The following MYPN variants were observed in gnomAD, a reference collection of about 807,000 sequenced individuals.
The protein encoded by MYPN is sarcomeric protein myopalladin, 145 kDa (MYOP).
MYPN carries 63 observed loss-of-function variants against 129.4 expected under a neutral mutation model. The ratio of observed to expected loss-of-function variants is 0.49; its 90% CI spans 0.40 to 0.60. The LOEUF is 0.60. Ranked by LOEUF, MYPN falls within the 20% of genes least tolerant of loss-of-function variation. The pLI is 0.00. For missense variants in MYPN, 1,596 were observed against 1,635.4 expected (o/e 0.98, Z 0.42); for synonymous variants, 629 against 600.9 (o/e 1.05, Z -0.68).
At chr10:68,182,803 C>T (rs972372495) in intron 12 of MYPN, among the ~76,000 whole-genome samples, 7 of 152,004 alleles carry the variant, frequency 4.6e-5, no homozygotes, top group African/African-American at 9.7e-5. Context: ...CCACCACGCC[C>T]GGTCTCTAAT....
chr10:68,188,537 TC>T, intron 12 of MYPN, among the ~76,000 whole-genome samples: 2 of 152,174 alleles, frequency 1.3e-5, no homozygotes, highest in East Asian at 3.9e-4. Flanking sequence ...CAGGCATGTA[TC>T]AGAATGCAGT....
In MYPN at chr10:68,148,413, A is replaced by G; in HGVS notation, c.1191A>G (p.Ala397=). The G allele has an allele frequency of 6.2e-7, 1 of 1,614,194 alleles. No individual in the cohort carries two copies. Among genetic ancestry groups the G allele is most frequent in the African/African-American group, 1.3e-5 (1 of 75,070 alleles). ...CTACCTCTGCAGTCATTCCTCCAGC[A>G]GTACCCCAAGCCCAGCATTTGGTGG... ...PPTTSAVIPP[A]VPQAQHLVAQ... is the part of the protein sequence containing the mutation. The change falls in exon 5 of 20, where the codon GCA becomes GCG. Residue 397 remains alanine (A), a synonymous_variant. Coordinates refer to ENST00000358913, the MANE Select transcript of MYPN (RefSeq NM_032578.4).
At chr10:68,171,766 A>G (rs1331756044) in intron 10 of MYPN, among the ~76,000 whole-genome samples, 1 of 152,176 alleles carries the variant, frequency 6.6e-6, no homozygotes, top group Non-Finnish European at 1.5e-5. Flanking sequence ...CAAATGTTTA[A>G]TGACTGACAG....
intron 1 of MYPN, among the ~76,000 whole-genome samples, chr10:68,117,235 A>G (rs949084366): frequency 6.6e-6 from 1 of 152,096 alleles, no homozygotes; most frequent in African/African-American, 2.4e-5. Flanking sequence ...AAAAAAAAAA[A>G]AAAAGTGAAA....
intron 2 of MYPN, among the ~76,000 whole-genome samples, chr10:68,122,574 T>G (rs904479312): frequency 1.3e-5 from 2 of 152,222 alleles, no homozygotes; most frequent in Non-Finnish European, 2.9e-5. Flanking sequence ...GAAATTAAAG[T>G]TAATAACATA....
intron 12 of MYPN, among the ~76,000 whole-genome samples, chr10:68,184,926 G>A (rs2043396705): frequency 6.6e-6 from 1 of 152,142 alleles, no homozygotes; most frequent in South Asian, 2.1e-4. Flanking sequence ...AATCTCTGGT[G>A]GGTGAAAAGG....
chr10:68,166,616 G>A lies in MYPN; in HGVS notation c.1923G>A (p.Glu641=), dbSNP rs1243614341. 1 of 1,614,090 alleles carries A rather than the reference G, an allele frequency of 6.2e-7. No individual in the cohort carries two copies. The highest frequency in any genetic ancestry group is 8.5e-7 in the Non-Finnish European group (1 of 1,180,026). The change falls in exon 10 of 20, where the codon GAG becomes GAA. Residue 641 remains glutamate (E), a synonymous_variant. Coordinates refer to ENST00000358913, the MANE Select transcript of MYPN (RefSeq NM_032578.4). The part of the protein sequence containing the change: ...RFNGQATKTP[E]PSSPVKEPPP... ...ACGGACAGGCAACAAAAACCCCAGA[G>A]CCTTCTTCCCCCGTGAAAGAGCCCC...
chr10:68,190,318 C>T (rs937658350), intron 13 of MYPN, among the ~76,000 whole-genome samples: 12 of 152,098 alleles, frequency 7.9e-5, no homozygotes, highest in Non-Finnish European at 1.8e-4. Context: ...TCCTGAGTAA[C>T]TGGGATTACA....
chr10:68,109,141 A>G (rs2042047128), upstream of MYPN: 1 of 158,468 alleles, frequency 6.3e-6, no homozygotes, highest in African/African-American at 2.4e-5. Context: ...TCATAGCCAA[A>G]TGTCCTAAAA....
chr10:68,096,649 T>C (rs1318398983), intron 1 of MYPN, among the ~76,000 whole-genome samples: 1 of 152,222 alleles, frequency 6.6e-6, no homozygotes, highest in Non-Finnish European at 1.5e-5. Flanking sequence ...TTGACATCTG[T>C]CCCAGTTCAT....
intron 1 of MYPN, among the ~76,000 whole-genome samples, chr10:68,112,963 G>C (rs545154960): frequency 5.5e-4 from 83 of 152,282 alleles, no homozygotes; most frequent in Non-Finnish European, 1.1e-3. Context: ...TTTTGACCCA[G>C]CAAGAACTTC....
intron 5 of MYPN, among the ~76,000 whole-genome samples, chr10:68,149,373 A>G (rs939318649): frequency 4.6e-5 from 7 of 152,262 alleles, no homozygotes; most frequent in Non-Finnish European, 1.0e-4. Context: ...ATATGTATGC[A>G]TAGACTTTAA....
intron 18 of MYPN, among the ~76,000 whole-genome samples, 166 bp downstream of exon 18, chr10:68,202,160 C>G (rs2043727355): frequency 6.6e-6 from 1 of 152,186 alleles, no homozygotes; most frequent in African/African-American, 2.4e-5. Context: ...TGGCCAGGCG[C>G]AGTGGCTCAT....
chr10:68,127,576 GC>G lies in MYPN; in HGVS notation c.902+5238del, dbSNP rs1410008554. Among the ~76,000 whole-genome samples the G allele has an allele frequency of 3.3e-5, 5 of 150,138 alleles. No individual in the cohort carries two copies. In the East Asian group the frequency reaches 1.0e-3, roughly 30 times the overall value. On this transcript the variant is annotated intron_variant, in intron 2 of 19. Coordinates refer to ENST00000358913, the MANE Select transcript of MYPN (RefSeq NM_032578.4). ...TCTTGAACTCCTGACCTCATGATCT[GC>G]CTGCCTCGGCCTCCCAAAGTGCTGG...
intron 4 of MYPN, among the ~76,000 whole-genome samples, chr10:68,146,083 G>A (rs2042661938): frequency 1.3e-5 from 2 of 151,996 alleles, no homozygotes. Flanking sequence ...GATTATCTAT[G>A]AGAAAACAAA....
chr10:68,192,054 A>G (rs908814854), intron 13 of MYPN, among the ~76,000 whole-genome samples: 1 of 152,166 alleles, frequency 6.6e-6, no homozygotes, highest in African/African-American at 2.4e-5. Flanking sequence ...TAAAAGTGGT[A>G]AAAGTGGGCA....
In MYPN at chr10:68,210,962, A is replaced by G. The variant is rs1160225215; in HGVS notation, c.*507A>G. 2.2e-6 allele frequency: 1 copy of G among 454,320 alleles called. No individual in the cohort carries two copies. The highest frequency in any genetic ancestry group is 2.0e-5 in the African/African-American group (1 of 50,122). The allele number at this position is 454,320 out of a possible 1,614,324, so 28.1% of individuals were successfully genotyped here. A position where few individuals can be genotyped will look rare whatever the true frequency, so the allele number is the denominator to read the frequency against. ...TTCACCAAATCAGCTTCCACTTAGC[A>G]TTAGGAGGTCATGCCATACAACTCA... On this transcript the variant is annotated 3_prime_UTR_variant, in exon 20 of 20. Transcript: ENST00000358913.
Position 68,209,604 on chromosome 10 carries a change from C to T in MYPN, c.3794-682C>T, listed in dbSNP as rs775293434. On this transcript the variant is annotated intron_variant, in intron 19 of 19. Coordinates refer to ENST00000358913, the MANE Select transcript of MYPN (RefSeq NM_032578.4). ...CCCCTAACAGGTCTTCATGGTAGGACGCTGGAAGGGGATAAGCTTGAGAAA... is the reference window on the plus strand; with the variant it reads ...CCCCTAACAGGTCTTCATGGTAGGATGCTGGAAGGGGATAAGCTTGAGAAA... Among the ~76,000 whole-genome samples, 6 of 147,960 alleles carry T rather than the reference C, an allele frequency of 4.1e-5. No homozygotes were observed. The East Asian group carries it at 5.9e-4, about 14-fold the overall frequency.
chr10:68,119,395 T>TTATG (rs899683265), intron 1 of MYPN, among the ~76,000 whole-genome samples: 1 of 75,274 alleles, frequency 1.3e-5, no homozygotes, highest in African/African-American at 6.9e-5. Flanking sequence ...TTTTATTTAT[T>TTATG]TATTTATTTA....
Sources: allele counts gnomAD v4.1 joint callset (sites outside exome capture counted in the v4.1 genomes callset), GRCh38; gene constraint gnomAD v4.1.1; transcripts MANE v1.5; gene names NCBI Gene and HGNC (gene_info 2026-07-23, HGNC 2026-07-21).